Variants in WDR49 observed in about 807,000 individuals in gnomAD.
WDR49 encodes cilia- and flagella-associated protein 337.
WDR49 carries 107 observed loss-of-function variants against 119.5 expected under a neutral mutation model. The ratio of observed to expected loss-of-function variants is 0.90; its 90% CI spans 0.77 to 1.05. WDR49 has a LOEUF of 1.05. Ranked by LOEUF, WDR49 falls within the 50% of genes least tolerant of loss-of-function variation. The pLI, the probability that WDR49 is intolerant of heterozygous loss-of-function variation, is 0.00. For synonymous variants in WDR49, 425 were observed against 418.8 expected (o/e 1.01, Z -0.18); for missense variants, 1,240 against 1,220.5 (o/e 1.02, Z -0.24).
chr3:167,548,398 G>A (rs934216029), intron 10 of WDR49, among the ~76,000 whole-genome samples: 46 of 151,934 alleles, frequency 3.0e-4, no homozygotes, highest in African/African-American at 1.1e-3. Context: ...TACATTTATG[G>A]TTTGACTTAA....
intron 7 of WDR49, among the ~76,000 whole-genome samples, chr3:167,599,874 T>C (rs1260508482): frequency 6.6e-6 from 1 of 152,280 alleles, no homozygotes; most frequent in East Asian, 1.9e-4. Flanking sequence ...CACATCTCGG[T>C]CTCACCCAAG....
chr3:167,616,864 C>T (rs116628619), intron 5 of WDR49, among the ~76,000 whole-genome samples: 1 of 152,092 alleles, frequency 6.6e-6, no homozygotes, highest in African/African-American at 2.4e-5. Context: ...ATGTGTTATA[C>T]TGGATACTAA....
chr3:167,592,409 T>C (rs1296387550), intron 7 of WDR49, among the ~76,000 whole-genome samples: 7 of 151,856 alleles, frequency 4.6e-5, no homozygotes, highest in Non-Finnish European at 8.8e-5. Context: ...CTGAGTTTTG[T>C]ACCGTTAGAT....
intron 18 of WDR49, among the ~76,000 whole-genome samples, chr3:167,488,607 G>A (rs1158398446): frequency 6.6e-6 from 1 of 152,094 alleles, no homozygotes; most frequent in African/African-American, 2.4e-5. Context: ...CACAAGCTTA[G>A]GAACCTCAAG....
intron 9 of WDR49, among the ~76,000 whole-genome samples, chr3:167,555,731 G>A (rs1447752697): frequency 1.3e-5 from 2 of 152,058 alleles, no homozygotes; most frequent in Non-Finnish European, 2.9e-5. Context: ...GGCCAGAGGT[G>A]TGTATTGCAT....
chr3:167,621,354 A>C (rs947637885), intron 4 of WDR49, 113 bp downstream of exon 4: 7 of 1,099,942 alleles, frequency 6.4e-6, no homozygotes, highest in Non-Finnish European at 8.6e-6. Flanking sequence ...TGTGCATGTA[A>C]TCCATAATGT....
intron 7 of WDR49, among the ~76,000 whole-genome samples, chr3:167,598,093 A>T (rs9835860): frequency 0.35 from 53,088 of 151,720 alleles, 11,027 homozygotes; most frequent in African/African-American, 0.59. Flanking sequence ...GATCACGAGG[A>T]CAGGAGATCG....
intron 7 of WDR49, among the ~76,000 whole-genome samples, chr3:167,585,305 T>C (rs1489131799): frequency 6.6e-6 from 1 of 152,058 alleles, no homozygotes; most frequent in East Asian, 1.9e-4. Flanking sequence ...TAATAGGCAA[T>C]ATTTATGTAA....
At position 167,514,252 on chromosome 3, in the gene WDR49, A is replaced by G. The variant is rs541091182; in HGVS notation, c.2774+8063T>C. On this transcript the variant is annotated intron_variant, in intron 16 of 18. Coordinates refer to ENST00000682715, the MANE Select transcript of WDR49 (RefSeq NM_001366157.1). ...AATGCAAAAGAACTGAAATCATAAC[A>G]GTCTCTCAGACCACAGCGCAATTTA... Among the ~76,000 whole-genome samples the G allele has an allele frequency of 5.9e-5, 9 of 152,192 alleles. No individual in the cohort carries two copies. In the East Asian group the frequency reaches 1.4e-3, roughly 23 times the overall value.
rs752719454 is a variant in WDR49, at chr3:167,545,508, AT to A, written c.1824-8509del. On this transcript the variant is annotated intron_variant, in intron 10 of 18. Coordinates refer to ENST00000682715, the MANE Select transcript of WDR49 (RefSeq NM_001366157.1). Reference sequence around the variant, plus strand: ...ACCATATATATATTATATATTATATATTATATATATATATATGCACCCTGGA... The same window carrying A: ...ACCATATATATATTATATATTATATATATATATATATATATGCACCCTGGA... Among the ~76,000 whole-genome samples the A allele has an allele frequency of 5.4e-4, 57 of 105,276 alleles. 2 individuals carry two copies. Among genetic ancestry groups the A allele is most frequent in the Admixed American group, 2.3e-3 (27 of 11,742 alleles). The allele number at this position is 105,276 out of a possible 152,430, so 69.1% of individuals were successfully genotyped here.
At chr3:167,582,328 C>T (rs762687269) in intron 7 of WDR49, among the ~76,000 whole-genome samples, 2 of 152,026 alleles carry the variant, frequency 1.3e-5, no homozygotes, top group African/African-American at 2.4e-5. Flanking sequence ...CTACTGAATA[C>T]CTTGGCTAAC....
At chr3:167,621,714 A>G (rs532792877) in intron 3 of WDR49, 71 bp from the exon 4 acceptor site, 6 of 1,383,158 alleles carry the variant, frequency 4.3e-6, no homozygotes, top group Non-Finnish European at 5.7e-6. Flanking sequence ...CAAAGCAGAC[A>G]CGCCACTCTA....
chr3:167,594,019 G>A (rs1715277904), intron 7 of WDR49, among the ~76,000 whole-genome samples: 1 of 152,106 alleles, frequency 6.6e-6, no homozygotes, highest in African/African-American at 2.4e-5. Context: ...CCCCAGCCAT[G>A]AGCAACTATG....
At chr3:167,605,103 T>G (rs569818925) in intron 5 of WDR49, among the ~76,000 whole-genome samples, 8 of 147,156 alleles carry the variant, frequency 5.4e-5, no homozygotes, top group Middle Eastern at 6.9e-3. Context: ...TGTATATATA[T>G]ACACACACAC....
At chr3:167,639,969 C>T (rs1479811558) in intron 2 of WDR49, among the ~76,000 whole-genome samples, 4 of 151,748 alleles carry the variant, frequency 2.6e-5, no homozygotes, top group Non-Finnish European at 5.9e-5. Context: ...ACTAGGAATC[C>T]TTCCATGTTT....
At chr3:167,561,977 G>A (rs73029918) in intron 8 of WDR49, among the ~76,000 whole-genome samples, 8,290 of 151,942 alleles carry the variant, frequency 0.055, 696 homozygotes, top group African/African-American at 0.19. Context: ...GAGCCTGAGC[G>A]CAGAGTATTT....
chr3:167,522,366 G>C lies in WDR49; in HGVS notation c.2723C>G (p.Pro908Arg), dbSNP rs1752481799. The C allele has an allele frequency of 2.5e-6, 4 of 1,604,974 alleles. No individual in the cohort carries two copies. The highest frequency in any genetic ancestry group is 3.4e-6 in the Non-Finnish European group (4 of 1,177,662). Residue 908 changes from proline (P) to arginine (R), a missense_variant, in exon 16 of 19, where the codon CCA becomes CGA. Transcript: ENST00000682715. Reference sequence around the variant, plus strand: ...CTTATTAAGTAGAGAATGTTCTGTTGGGTCTAAACAAGATTCCTCCTTAGA... The same window carrying C: ...CTTATTAAGTAGAGAATGTTCTGTTCGGTCTAAACAAGATTCCTCCTTAGA... ...LFSKEESCLD[P>R]TEHSLLNKKN...
chr3:167,530,551 G>A (rs1012133610), intron 13 of WDR49, among the ~76,000 whole-genome samples: 10 of 151,504 alleles, frequency 6.6e-5, no homozygotes, highest in African/African-American at 2.4e-4. Flanking sequence ...CATCTCTGGA[G>A]AAGATATAAC....
At chr3:167,638,818 T>C (rs1717739117) in intron 2 of WDR49, among the ~76,000 whole-genome samples, 1 of 151,764 alleles carries the variant, frequency 6.6e-6, no homozygotes, top group Non-Finnish European at 1.5e-5. Context: ...GTTAAAGTTT[T>C]GTAACTAACA....
Sources: allele counts gnomAD v4.1 joint callset (sites outside exome capture counted in the v4.1 genomes callset), GRCh38; gene constraint gnomAD v4.1.1; transcripts MANE v1.5; gene names NCBI Gene and HGNC (gene_info 2026-07-23, HGNC 2026-07-21).